Variants in IQSEC1 observed in about 807,000 individuals in gnomAD.
IQSEC1 encodes IQ motif and Sec7 domain ArfGEF 1, also known as IQ motif and SEC7 domain-containing protein 1.
A neutral mutation model predicts 91.0 loss-of-function variants in IQSEC1; 31 were observed. The observed-to-expected ratio is 0.34, with a 90% confidence interval of 0.26 to 0.46. The LOEUF (loss-of-function observed/expected upper bound fraction) is 0.46. Ranked by LOEUF, IQSEC1 falls within the 20% of genes least tolerant of loss-of-function variation. The pLI is 1.00. For missense variants in IQSEC1, 1,388 were observed against 1,575.6 expected, an observed-to-expected ratio of 0.88 and a Z score of 2.02; for synonymous variants, 699 against 662.6, an observed-to-expected ratio of 1.05 and a Z score of -0.84.
intron 1 of IQSEC1, among the ~76,000 whole-genome samples, chr3:13,014,891 TG>T (rs1315877860): frequency 6.6e-6 from 1 of 152,118 alleles, no homozygotes; most frequent in Non-Finnish European, 1.5e-5. Context: ...AAGGGGCTCC[TG>T]GGGGGACACA....
intron 2 of IQSEC1, among the ~76,000 whole-genome samples, chr3:13,154,438 C>CATACATATATATATAT (rs1707049640): frequency 2.4e-4 from 5 of 20,756 alleles, no homozygotes; most frequent in East Asian, 1.8e-3. Flanking sequence ...AACTTACATG[C>CATACATATATATATAT]ATATATATAT....
chr3:13,190,990 A>C (rs1399817029), intron 1 of IQSEC1, among the ~76,000 whole-genome samples: 1 of 152,152 alleles, frequency 6.6e-6, no homozygotes, highest in Non-Finnish European at 1.5e-5. Flanking sequence ...GATGCCTCCG[A>C]CAGCACCCCT....
rs1440115260 is a variant in IQSEC1, at chr3:12,993,357, C to T, written c.24-51492G>A. On this transcript the variant is annotated intron_variant, in intron 1 of 13. Coordinates refer to ENST00000613206, the MANE Select transcript of IQSEC1 (RefSeq NM_001134382.3). ...TTCTCCCTCCCTCCCAAGGCGCGTCCGTGTGGCTCCCAGCGAATTCCTGAG... is the reference window on the plus strand; with the variant it reads ...TTCTCCCTCCCTCCCAAGGCGCGTCTGTGTGGCTCCCAGCGAATTCCTGAG... Among the ~76,000 whole-genome samples the T allele has an allele frequency of 2.6e-5, 4 of 152,028 alleles. No individual in the cohort carries two copies. The South Asian group carries it at 8.3e-4, about 32-fold the overall frequency.
At chr3:13,149,134 C>A (rs1706948477) in intron 2 of IQSEC1, among the ~76,000 whole-genome samples, 1 of 152,238 alleles carries the variant, frequency 6.6e-6, no homozygotes, top group African/African-American at 2.4e-5. Flanking sequence ...AGGGTTAGCA[C>A]TGACAGCTGC....
chr3:13,175,909 A>G (rs1196076737), intron 1 of IQSEC1, among the ~76,000 whole-genome samples: 1 of 152,204 alleles, frequency 6.6e-6, no homozygotes, highest in Non-Finnish European at 1.5e-5. Flanking sequence ...GTACCTCCCC[A>G]AACTTCCTAC....
intron 3 of IQSEC1, among the ~76,000 whole-genome samples, chr3:12,933,426 A>G (rs1413026277): frequency 6.6e-6 from 1 of 152,240 alleles, no homozygotes. Flanking sequence ...CGATACCCTC[A>G]TAAGACAATG....
At chr3:13,152,398 A>C (rs902202025) in intron 2 of IQSEC1, among the ~76,000 whole-genome samples, 1 of 152,212 alleles carries the variant, frequency 6.6e-6, no homozygotes, top group Non-Finnish European at 1.5e-5. Flanking sequence ...ATGTTTAGAA[A>C]TATTAATACA....
chr3:13,136,287 C>T (rs567305406), intron 2 of IQSEC1, among the ~76,000 whole-genome samples: 25 of 152,350 alleles, frequency 1.6e-4, no homozygotes, highest in African/African-American at 5.8e-4. Flanking sequence ...CACACCCCAG[C>T]CGGCTCAGAC....
At chr3:13,242,546 C>T (rs920047956) in intron 1 of IQSEC1, among the ~76,000 whole-genome samples, 3 of 152,204 alleles carry the variant, frequency 2.0e-5, no homozygotes, top group Non-Finnish European at 4.4e-5. Context: ...ACATCCCGGC[C>T]GTGGCTGAAG....
rs150982473 is a variant in IQSEC1, at chr3:13,261,592, C to T, written c.272+21119G>A. On this transcript the variant is annotated intron_variant, in intron 1 of 15. Coordinates refer to the IQSEC1 transcript ENST00000648114. ...CTCTGCAGTCTGTTCCCATCTCCCC[C>T]ATCCCCCACCCCCGTCATCACATGT... is the stretch of plus-strand genomic sequence containing the variant. Among the ~76,000 whole-genome samples, 455 of 152,236 alleles carry T rather than the reference C, an allele frequency of 3.0e-3. 2 individuals carry two copies. Among genetic ancestry groups the T allele is most frequent in the African/African-American group, 0.01 (419 of 41,534 alleles).
chr3:12,968,563 CTCTT>C (rs1342319312), intron 1 of IQSEC1, among the ~76,000 whole-genome samples: 1 of 152,220 alleles, frequency 6.6e-6, no homozygotes, highest in African/African-American at 2.4e-5. Context: ...GCTTCCCTCA[CTCTT>C]TCCTCCTCTC....
intron 10 of IQSEC1, among the ~76,000 whole-genome samples, chr3:12,910,015 GCCTGTGGGCAGCTGCAGAGTGCT>G (rs1251684821): frequency 2.6e-5 from 4 of 152,228 alleles, no homozygotes; most frequent in African/African-American, 9.6e-5. Context: ...GACCAGGTGG[GCCTGTGGGCAGCTGCAGAGTGCT>G]CCTGTGTGCA....
In IQSEC1 at chr3:13,103,675, G is replaced by T. The variant is rs1026356734; in HGVS notation, c.303-56153C>A. Among the ~76,000 whole-genome samples the T allele has an allele frequency of 8.5e-5, 13 of 152,102 alleles. No homozygotes were observed. The highest frequency in any genetic ancestry group is 1.9e-4 in the Non-Finnish European group (13 of 68,018). On this transcript the variant is annotated intron_variant, in intron 2 of 15. Coordinates refer to the IQSEC1 transcript ENST00000648114. The surrounding 1 kb of genome is among the most constrained non-coding windows in gnomAD (Gnocchi z 4.1). ...TGGGGGTCTGGCTGGCAGGGGAGCG[G>T]GGCTGGCAGCTGTGATTTCAGAGCA...
chr3:12,900,658 ACAGGGAG>A lies in IQSEC1; in HGVS notation c.*318_*324del. ...TTTTCATATGCATGTACATTAGGGCACAGGGAGCTGAGAGCTGGAGTGGGGGAGGCAG... is the reference window on the plus strand; with the variant it reads ...TTTTCATATGCATGTACATTAGGGCACTGAGAGCTGGAGTGGGGGAGGCAG... On this transcript the variant is annotated 3_prime_UTR_variant, in exon 14 of 14. Transcript: ENST00000613206. 2 of 1,255,642 alleles carry A rather than the reference ACAGGGAG, an allele frequency of 1.6e-6. No homozygotes were observed. Among genetic ancestry groups the A allele is most frequent in the East Asian group, 3.8e-5 (1 of 26,384 alleles). 77.8% of individuals were successfully genotyped at this position (1,255,642 alleles called of 1,614,324 possible). A position where few individuals can be genotyped will look rare whatever the true frequency, so the allele number is the denominator to read the frequency against.
intron 1 of IQSEC1, among the ~76,000 whole-genome samples, chr3:13,169,707 CAA>C (rs1693572066): frequency 6.6e-6 from 1 of 152,186 alleles, no homozygotes; most frequent in Non-Finnish European, 1.5e-5. Context: ...AATGTTTTAG[CAA>C]AGAGACTGGC....
In IQSEC1 at chr3:13,055,099, G is replaced by A. The variant is rs1002107355; in HGVS notation, c.23+17893C>T. On this transcript the variant is annotated intron_variant, in intron 1 of 13. Coordinates refer to ENST00000613206, the MANE Select transcript of IQSEC1 (RefSeq NM_001134382.3). ...CTGGGCCACAGACCGCCCTGCCTGC[G>A]GGCTTGGGGCCCCACCACTGGGCAC... 5.3e-5 allele frequency among the ~76,000 whole-genome samples: 8 copies of A among 152,360 alleles called. No individual in the cohort carries two copies. The East Asian group carries it at 7.7e-4, about 15-fold the overall frequency.
At position 12,899,116 on chromosome 3, in the gene IQSEC1, G is replaced by C. The variant is rs1490750803; in HGVS notation, c.*1867C>G. 7.7e-6 allele frequency: 4 copies of C among 521,502 alleles called. No individual in the cohort carries two copies. In the East Asian group the frequency reaches 9.3e-5, roughly 12 times the overall value. The allele number at this position is 521,502 out of a possible 1,614,324, so 32.3% of individuals were successfully genotyped here. ...TCTCTGGAGATTAACAAAGTGCTTGGTTTGCAGATTTGCTGGTACGGTGAT... is the reference window on the plus strand; with the variant it reads ...TCTCTGGAGATTAACAAAGTGCTTGCTTTGCAGATTTGCTGGTACGGTGAT... On this transcript the variant is annotated 3_prime_UTR_variant, in exon 14 of 14. Transcript: ENST00000613206.
At chr3:13,144,563 C>CTCCT (rs757237416) in intron 2 of IQSEC1, among the ~76,000 whole-genome samples, 6 of 152,192 alleles carry the variant, frequency 3.9e-5, no homozygotes, top group Non-Finnish European at 8.8e-5. Context: ...CTGGGGACAT[C>CTCCT]TCCTTCCTCT....
rs1156283431 is a variant in IQSEC1, at chr3:13,008,512, C to T, written c.23+64480G>A. Among the ~76,000 whole-genome samples the T allele has an allele frequency of 6.6e-6, 1 of 152,184 alleles. No homozygotes were observed. Among genetic ancestry groups the T allele is most frequent in the Non-Finnish European group, 1.5e-5 (1 of 68,038 alleles). On this transcript the variant is annotated intron_variant, in intron 1 of 13. Transcript: ENST00000613206. The surrounding 1 kb of genome is among the most constrained non-coding windows in gnomAD (Gnocchi z 4.1). ...CTTTGCTAGCCACCTCCTTCTTGCT[C>T]TCAGTTCCCCTCCTCAGGGAGGCCC...
Sources: allele counts gnomAD v4.1 joint callset (sites outside exome capture counted in the v4.1 genomes callset), GRCh38; gene constraint gnomAD v4.1.1; non-coding constraint Gnocchi (gnomAD v3.1); transcripts MANE v1.5; gene names NCBI Gene and HGNC (gene_info 2026-07-23, HGNC 2026-07-21).